Variants in ACYP2 observed in about 807,000 individuals in gnomAD.
The protein encoded by ACYP2 is acylphosphatase 2, also known as acylphosphatase-2.
ACYP2 carries 12 observed loss-of-function variants against 11.2 expected under a neutral mutation model. The ratio of observed to expected loss-of-function variants is 1.08; its 90% CI spans 0.69 to 1.74. The LOEUF (loss-of-function observed/expected upper bound fraction) is 1.74, where lower values mean the gene tolerates loss of function less well. Ranked by LOEUF, ACYP2 falls within the 40% of genes most tolerant of loss-of-function variation. The pLI, the probability that ACYP2 is intolerant of heterozygous loss-of-function variation, is 0.00. For synonymous variants in ACYP2, 43 were observed against 32.2 expected, an observed-to-expected ratio of 1.33 and a Z score of -1.13; for missense variants, 134 against 101.9, an observed-to-expected ratio of 1.31 and a Z score of -1.35.
At chr2:54,068,439 T>G (rs1468346231) in intron 4 of ACYP2, among the ~76,000 whole-genome samples, 3 of 152,064 alleles carry the variant, frequency 2.0e-5, no homozygotes, top group African/African-American at 7.2e-5. Flanking sequence ...ATAAAGAAAA[T>G]CAGTCTGGCT....
rs550462581 is a variant in ACYP2, at chr2:54,009,027, C to T, written c.62+35217C>T. ...AATTAGCCGGGAGTGGTGGCGGGCA[C>T]CTGTAATCCTAGCTACTCAGGAGGC... is the stretch of plus-strand genomic sequence containing the variant. On this transcript the variant is annotated intron_variant, in intron 2 of 6. Coordinates refer to ENST00000607452, the MANE Select transcript of ACYP2 (RefSeq NM_001320586.2). Among the ~76,000 whole-genome samples, 6 of 151,502 alleles carry T rather than the reference C, an allele frequency of 4.0e-5. No homozygotes were observed. The East Asian group carries it at 7.8e-4, about 20-fold the overall frequency.
At chr2:54,274,419 T>C (rs544030907) in intron 6 of ACYP2, among the ~76,000 whole-genome samples, 27 of 152,052 alleles carry the variant, frequency 1.8e-4, no homozygotes, top group East Asian at 5.8e-4. Flanking sequence ...GGTGGGAGGA[T>C]TGCTTGAGCC....
intron 4 of ACYP2, among the ~76,000 whole-genome samples, chr2:54,094,125 G>C (rs1678386450): frequency 6.6e-6 from 1 of 152,164 alleles, no homozygotes; most frequent in Non-Finnish European, 1.5e-5. Context: ...AATTCTGGCT[G>C]TGGATGAAAA....
At chr2:54,029,607 G>C (rs567759269) in intron 2 of ACYP2, 57 of 384,188 alleles carry the variant, frequency 1.5e-4, no homozygotes, top group South Asian at 1.2e-3. Flanking sequence ...TTTCTCTTTG[G>C]CTTCCTTCTT....
At chr2:54,194,955 T>C (rs1474339189) in intron 6 of ACYP2, among the ~76,000 whole-genome samples, 1 of 152,228 alleles carries the variant, frequency 6.6e-6, no homozygotes, top group Non-Finnish European at 1.5e-5. Context: ...TGATAATGAA[T>C]ATTCAAATGA....
intron 4 of ACYP2, among the ~76,000 whole-genome samples, chr2:54,118,103 A>G (rs943312148): frequency 6.6e-6 from 1 of 152,254 alleles, no homozygotes; most frequent in Non-Finnish European, 1.5e-5. Context: ...AAAGGGAGGT[A>G]GGAAAGGAGT....
intron 2 of ACYP2, among the ~76,000 whole-genome samples, chr2:53,996,936 T>C (rs1672600692): frequency 6.6e-6 from 1 of 152,222 alleles, no homozygotes; most frequent in Admixed American, 6.5e-5. Flanking sequence ...CTCCCTATTA[T>C]GTACAAAATA....
chr2:54,141,848 A>G (rs1681620826), intron 6 of ACYP2: 1 of 565,060 alleles, frequency 1.8e-6, no homozygotes, highest in African/African-American at 1.8e-5. Flanking sequence ...GTATTTATTT[A>G]TTTTTTGAGA....
At chr2:54,106,740 A>G (rs1426130670) in intron 4 of ACYP2, among the ~76,000 whole-genome samples, 3 of 151,992 alleles carry the variant, frequency 2.0e-5, no homozygotes, top group Non-Finnish European at 4.4e-5. Context: ...CCTGCCACCA[A>G]GCCCGGCTAA....
At chr2:54,185,458 TATC>T (rs1683939117) in intron 6 of ACYP2, among the ~76,000 whole-genome samples, 2 of 152,212 alleles carry the variant, frequency 1.3e-5, no homozygotes, top group East Asian at 3.8e-4. Flanking sequence ...GAAATTTGGT[TATC>T]AATGCCAACA....
At chr2:54,147,418 G>T (rs12615044) in intron 6 of ACYP2, among the ~76,000 whole-genome samples, 10,127 of 152,190 alleles carry the variant, frequency 0.067, 518 homozygotes, top group East Asian at 0.3. Context: ...TGAGTCTTCT[G>T]TGAGGTCCAT....
chr2:54,279,798 G>A (rs555388010), intron 6 of ACYP2, among the ~76,000 whole-genome samples: 4 of 152,182 alleles, frequency 2.6e-5, no homozygotes, highest in Admixed American at 6.5e-5. Context: ...AGTATTATAC[G>A]GAATTGTAAT....
At chr2:54,067,353 A>G (rs1417999516) in intron 4 of ACYP2, among the ~76,000 whole-genome samples, 1 of 152,252 alleles carries the variant, frequency 6.6e-6, no homozygotes, top group Non-Finnish European at 1.5e-5. Flanking sequence ...AGAAGGCGAA[A>G]TAAGTTTTCC....
chr2:54,064,069 G>C (rs926442334), intron 4 of ACYP2, among the ~76,000 whole-genome samples: 7 of 151,986 alleles, frequency 4.6e-5, no homozygotes, highest in African/African-American at 1.5e-4. Context: ...TGTTAGTCTT[G>C]AACTTGGGCT....
chr2:54,109,966 G>A (rs1340045682), intron 4 of ACYP2, among the ~76,000 whole-genome samples: 2 of 152,038 alleles, frequency 1.3e-5, no homozygotes, highest in Admixed American at 6.6e-5. Context: ...ATCCCACCAA[G>A]GATACTAACA....
intron 3 of ACYP2, chr2:54,051,673 G>T (rs1675873792): frequency 1.0e-5 from 7 of 698,644 alleles, no homozygotes; most frequent in South Asian, 8.6e-5. Context: ...AATATGAAAG[G>T]ATATTGCTGC....
chr2:54,270,594 G>A (rs1688250884), intron 6 of ACYP2, among the ~76,000 whole-genome samples: 2 of 151,936 alleles, frequency 1.3e-5, no homozygotes, highest in South Asian at 4.2e-4. Context: ...GTGACAAAGC[G>A]AGATATGTCT....
At chr2:54,062,462 T>C (rs1235227232) in intron 4 of ACYP2, among the ~76,000 whole-genome samples, 2 of 152,230 alleles carry the variant, frequency 1.3e-5, no homozygotes, top group Admixed American at 1.3e-4. Flanking sequence ...GATCAACCTA[T>C]ATAGAAAAAT....
At chr2:54,007,409 A>G (rs1221557845) in intron 2 of ACYP2, among the ~76,000 whole-genome samples, 1 of 151,818 alleles carries the variant, frequency 6.6e-6, no homozygotes, top group Non-Finnish European at 1.5e-5. Context: ...ATGTGCCACC[A>G]TGCCTGGCTA....
Sources: gnomAD v4.1 joint callset for allele counts (sites outside exome capture counted in the v4.1 genomes callset) on GRCh38, gnomAD v4.1.1 for gene constraint, MANE v1.5 for transcripts, NCBI Gene and HGNC (gene_info 2026-07-23, HGNC 2026-07-21) for gene names.